The following WDR72 variants were observed in gnomAD, a reference collection of about 807,000 sequenced individuals.
WDR72 encodes WD repeat-containing protein 72.
WDR72 carries 120 observed loss-of-function variants against 124.2 expected under a neutral mutation model. The ratio of observed to expected loss-of-function variants is 0.97; its 90% confidence interval spans 0.83 to 1.12. WDR72 has a LOEUF of 1.12. Among genes scored for constraint, WDR72 ranks in the 50% most tolerant of loss-of-function variants. WDR72 has a pLI of 0.00. For missense variants in WDR72, 1,387 were observed against 1,278.8 expected, an observed-to-expected ratio of 1.08 and a Z score of -1.29; for synonymous variants, 452 against 441.7, an observed-to-expected ratio of 1.02 and a Z score of -0.29.
chr15:53,629,838 A>T (rs2014353440), intron 14 of WDR72, among the ~76,000 whole-genome samples: 1 of 152,158 alleles, frequency 6.6e-6, no homozygotes, highest in South Asian at 2.1e-4. Flanking sequence ...CCACTGGATC[A>T]GGCATATATG....
chr15:53,653,065 A>G (rs1389608301), intron 14 of WDR72, among the ~76,000 whole-genome samples: 1 of 152,154 alleles, frequency 6.6e-6, no homozygotes, highest in Non-Finnish European at 1.5e-5. Flanking sequence ...CCTGATTTGG[A>G]CTTAAAGCAA....
chr15:53,549,010 A>C (rs1345852113), intron 18 of WDR72, among the ~76,000 whole-genome samples: 2 of 152,228 alleles, frequency 1.3e-5, no homozygotes, highest in Admixed American at 1.3e-4. Context: ...CCAGGTATAA[A>C]GAACACAAAC....
intron 14 of WDR72, among the ~76,000 whole-genome samples, chr15:53,660,718 TA>T (rs34097750): frequency 4.6e-5 from 7 of 152,148 alleles, no homozygotes; most frequent in South Asian, 2.1e-4. Context: ...AAAATTCCAT[TA>T]AAAAAAATTC....
At chr15:53,761,247 C>A (rs1274493860), upstream of WDR72, among the ~76,000 whole-genome samples, 1 of 151,944 alleles carries the variant, frequency 6.6e-6, no homozygotes, top group Admixed American at 6.6e-5. Context: ...CAGAGAAATG[C>A]AAATCAAAAC....
chr15:53,716,012 C>CA (rs200446515), intron 4 of WDR72, among the ~76,000 whole-genome samples: 190 of 151,166 alleles, frequency 1.3e-3, no homozygotes, highest in African/African-American at 4.3e-3. Flanking sequence ...GTTTTATTTC[C>CA]AAAAAAAATA....
chr15:53,713,175 T>C (rs532260802), intron 6 of WDR72, among the ~76,000 whole-genome samples: 33 of 131,842 alleles, frequency 2.5e-4, no homozygotes, highest in Non-Finnish European at 4.3e-4. Flanking sequence ...AATTAAAAAA[T>C]ATAGGATGTA....
intron 1 of WDR72, among the ~76,000 whole-genome samples, chr15:53,735,340 C>T (rs1352665442): frequency 6.6e-6 from 1 of 152,122 alleles, no homozygotes; most frequent in Non-Finnish European, 1.5e-5. Context: ...AACTGGAACT[C>T]ATACACTGAC....
chr15:53,683,626 C>G (rs757487084), intron 13 of WDR72, among the ~76,000 whole-genome samples: 8 of 151,730 alleles, frequency 5.3e-5, no homozygotes, highest in Non-Finnish European at 1.0e-4. Context: ...TACCTATTTC[C>G]CCATAGAAAA....
chr15:53,684,457 C>G (rs2016526598), intron 13 of WDR72: 1 of 156,014 alleles, frequency 6.4e-6, no homozygotes, highest in African/African-American at 2.4e-5. Context: ...CAGACGGCAC[C>G]TGGAAAAACG....
chr15:53,551,031 T>C (rs552327213), intron 18 of WDR72, among the ~76,000 whole-genome samples: 4 of 152,172 alleles, frequency 2.6e-5, no homozygotes, highest in Non-Finnish European at 5.9e-5. Flanking sequence ...GGAGGATCTG[T>C]TTAAGGAAAT....
At chr15:53,640,847 A>C (rs1423733116) in intron 14 of WDR72, among the ~76,000 whole-genome samples, 2 of 151,938 alleles carry the variant, frequency 1.3e-5, no homozygotes, top group Non-Finnish European at 2.9e-5. Flanking sequence ...TTTACTATTT[A>C]CCTTTTCCTT....
chr15:53,555,197 T>C (rs545057541), intron 18 of WDR72, among the ~76,000 whole-genome samples: 3 of 131,474 alleles, frequency 2.3e-5, no homozygotes, highest in African/African-American at 8.3e-5. Flanking sequence ...TTCTACAATG[T>C]GAAGCCATTT....
intron 14 of WDR72, among the ~76,000 whole-genome samples, chr15:53,632,438 G>A (rs1008663790): frequency 1.3e-5 from 2 of 152,038 alleles, no homozygotes; most frequent in African/African-American, 4.8e-5. Flanking sequence ...CGCAGGAGTG[G>A]AGCCCTCATG....
intron 19 of WDR72, among the ~76,000 whole-genome samples, chr15:53,518,597 C>T (rs1344831194): frequency 6.6e-6 from 1 of 151,600 alleles, no homozygotes; most frequent in Non-Finnish European, 1.5e-5. Flanking sequence ...TTAGCGCTAA[C>T]CATAAGAAGT....
intron 18 of WDR72, 135 bp from the exon 19 acceptor site, chr15:53,523,457 T>C (rs994531231): frequency 7.3e-6 from 6 of 826,426 alleles, no homozygotes; most frequent in Admixed American, 4.1e-5. Flanking sequence ...AAATAATAAA[T>C]TGAAATAAAA....
intron 14 of WDR72, among the ~76,000 whole-genome samples, chr15:53,644,437 C>T (rs2014968894): frequency 6.6e-6 from 1 of 151,968 alleles, no homozygotes; most frequent in African/African-American, 2.4e-5. Flanking sequence ...AGCCGATTAA[C>T]TAAATAAAAA....
chr15:53,731,882 T>G (rs1173520797), intron 2 of WDR72, among the ~76,000 whole-genome samples: 2 of 152,202 alleles, frequency 1.3e-5, no homozygotes, highest in African/African-American at 4.8e-5. Flanking sequence ...GCAATGCCTT[T>G]ATAAATATGA....
intron 18 of WDR72, among the ~76,000 whole-genome samples, chr15:53,555,966 T>C (rs1375121547): frequency 6.6e-6 from 1 of 152,170 alleles, no homozygotes; most frequent in Admixed American, 6.6e-5. Flanking sequence ...TGTTTCTACA[T>C]TATTATTCTC....
At chr15:53,609,616 G>A in intron 16 of WDR72, 24 bp from the exon 17 acceptor site, 1 of 1,587,984 alleles carries the variant, frequency 6.3e-7, no homozygotes, top group Non-Finnish European at 8.6e-7. Context: ...GAACACACTT[G>A]TATCTTTAGA....
Sources: allele counts gnomAD v4.1 joint callset (sites outside exome capture counted in the v4.1 genomes callset), GRCh38; gene constraint gnomAD v4.1.1; transcripts MANE v1.5; gene names NCBI Gene and HGNC (gene_info 2026-07-23, HGNC 2026-07-21).